The following PPTC7 variants were observed in gnomAD, a reference collection of about 807,000 sequenced individuals.
PPTC7 encodes protein phosphatase targeting COQ7, also known as protein phosphatase PTC7 homolog.
Under a neutral mutation model 30.8 loss-of-function variants are expected in PPTC7, and 6 were observed. The ratio of observed to expected loss-of-function variants is 0.19; its 90% CI spans 0.11 to 0.38. The LOEUF is 0.38. Among genes scored for constraint, PPTC7 ranks in the 10% least tolerant of loss-of-function variants. The pLI is 1.00. For missense variants in PPTC7, 218 were observed against 404.8 expected, an observed-to-expected ratio of 0.54 and a Z score of 3.96; for synonymous variants, 163 against 168.1, an observed-to-expected ratio of 0.97 and a Z score of 0.23.
At chr12:110,554,450 A>T (rs368817138) in intron 1 of PPTC7, among the ~76,000 whole-genome samples, 75 of 152,282 alleles carry the variant, frequency 4.9e-4, no homozygotes, top group African/African-American at 1.7e-3. Flanking sequence ...AAATGCTTGG[A>T]TTACAGGCGT....
Position 110,534,827 on chromosome 12 carries a change from G to A in PPTC7, c.*2210C>T, listed in dbSNP as rs2064207065. ...AGTTGTATAAAACACCACCAATCTA[G>A]CTTTACAAAGATTGTGTTTGACGGG... is the stretch of plus-strand genomic sequence containing the variant. On this transcript the variant is annotated 3_prime_UTR_variant, in exon 6 of 6. Coordinates refer to ENST00000354300, the MANE Select transcript of PPTC7 (RefSeq NM_139283.2). The A allele has an allele frequency of 6.6e-6, 1 of 152,450 alleles. No homozygotes were observed. The highest frequency in any genetic ancestry group is 2.4e-5 in the African/African-American group (1 of 41,386). 9.4% of individuals were successfully genotyped at this position (152,450 alleles called of 1,614,324 possible). A position where few individuals can be genotyped will look rare whatever the true frequency, so the allele number is the denominator to read the frequency against.
At chr12:110,576,865 T>C (rs1367453438) in intron 1 of PPTC7, among the ~76,000 whole-genome samples, 1 of 152,108 alleles carries the variant, frequency 6.6e-6, no homozygotes, top group Non-Finnish European at 1.5e-5. Context: ...TACATATCAG[T>C]TTTTAAAAAT....
chr12:110,558,375 G>T (rs545857566), intron 1 of PPTC7, among the ~76,000 whole-genome samples: 2 of 152,188 alleles, frequency 1.3e-5, no homozygotes, highest in Non-Finnish European at 2.9e-5. Context: ...CTGAATTAAT[G>T]ACTAGAAGGG....
chr12:110,551,643 AG>A (rs1333124883), intron 2 of PPTC7, 145 bp downstream of exon 2: 2 of 727,092 alleles, frequency 2.8e-6, no homozygotes, highest in African/African-American at 3.6e-5. Flanking sequence ...CACTGCGCCC[AG>A]CGGTTAGCCT....
intron 1 of PPTC7, among the ~76,000 whole-genome samples, chr12:110,578,860 C>T (rs190621720): frequency 2.3e-4 from 35 of 152,240 alleles, no homozygotes; most frequent in Non-Finnish European, 4.7e-4. Context: ...AAAGTCATCA[C>T]CTTAGCCAGA....
At position 110,538,124 on chromosome 12, in the gene PPTC7, C is replaced by T. The variant is rs1430970146; in HGVS notation, c.856+20G>A. 6.2e-7 allele frequency: 1 copy of T among 1,612,760 alleles called. No individual in the cohort carries two copies. The highest frequency in any genetic ancestry group is 1.3e-5 in the African/African-American group (1 of 74,916). ...CCATGTCCCCAGTCAGTCCCTATGA[C>T]CTTCCCAAAGAATGCTTACCTCTCA... On this transcript the variant is annotated intron_variant, in intron 5 of 5. Transcript: ENST00000354300.
intron 1 of PPTC7, among the ~76,000 whole-genome samples, chr12:110,565,139 G>A (rs1262830576): frequency 6.6e-6 from 1 of 151,746 alleles, no homozygotes; most frequent in Non-Finnish European, 1.5e-5. Flanking sequence ...GCCTCCCAAA[G>A]TGCTGGGATT....
At chr12:110,574,141 T>TTAAAA (rs532102162) in intron 1 of PPTC7, among the ~76,000 whole-genome samples, 2 of 37,444 alleles carry the variant, frequency 5.3e-5, no homozygotes, top group Non-Finnish European at 9.5e-5. Flanking sequence ...CCACAATAAT[T>TTAAAA]AAAAAAAAAA....
chr12:110,575,607 C>CAAAAA (rs55831249), intron 1 of PPTC7, among the ~76,000 whole-genome samples: 1 of 26,518 alleles, frequency 3.8e-5, no homozygotes, highest in East Asian at 1.6e-3. Flanking sequence ...AACCCCACCT[C>CAAAAA]AAAAAAAAAA....
chr12:110,556,508 T>C (rs2064388292), intron 1 of PPTC7, among the ~76,000 whole-genome samples: 1 of 152,210 alleles, frequency 6.6e-6, no homozygotes, highest in Non-Finnish European at 1.5e-5. Context: ...AGCTTCAGAC[T>C]GCAAAGAGCA....
chr12:110,549,486 G>C (rs974534763), intron 2 of PPTC7, among the ~76,000 whole-genome samples: 2 of 152,040 alleles, frequency 1.3e-5, no homozygotes, highest in African/African-American at 2.4e-5. Flanking sequence ...AAATATGCTT[G>C]AGTTTCATTA....
Position 110,536,834 on chromosome 12 carries a change from T to C in PPTC7, c.*203A>G. On this transcript the variant is annotated 3_prime_UTR_variant, in exon 6 of 6. Coordinates refer to ENST00000354300, the MANE Select transcript of PPTC7 (RefSeq NM_139283.2). ...ATCTTCAAATATTGGATCTCTTCAATTGCTGCCGGCAGATATGAGCTAGTG... is the reference window on the plus strand; with the variant it reads ...ATCTTCAAATATTGGATCTCTTCAACTGCTGCCGGCAGATATGAGCTAGTG... 2.0e-6 allele frequency: 1 copy of C among 507,294 alleles called. No homozygotes were observed. Among genetic ancestry groups the C allele is most frequent in the East Asian group, 3.1e-5 (1 of 32,136 alleles). 31.4% of individuals were successfully genotyped at this position (507,294 alleles called of 1,614,324 possible). A position where few individuals can be genotyped will look rare whatever the true frequency, so the allele number is the denominator to read the frequency against.
intron 3 of PPTC7, among the ~76,000 whole-genome samples, chr12:110,543,224 GAA>G (rs1348513947): frequency 6.6e-6 from 1 of 152,190 alleles, no homozygotes; most frequent in African/African-American, 2.4e-5. Context: ...AATGCACTCA[GAA>G]AATTTCTGGT....
At chr12:110,580,000 C>A (rs1221547143) in intron 1 of PPTC7, among the ~76,000 whole-genome samples, 2 of 150,444 alleles carry the variant, frequency 1.3e-5, no homozygotes, top group Middle Eastern at 3.2e-3. Flanking sequence ...GCAACAAGAG[C>A]GAAACTCCAT....
intron 3 of PPTC7, among the ~76,000 whole-genome samples, chr12:110,541,046 A>G (rs1382228189): frequency 6.7e-6 from 1 of 148,600 alleles, no homozygotes; most frequent in Non-Finnish European, 1.5e-5. Context: ...AAGTGCTGGG[A>G]TAACAGGCGT....
chr12:110,572,233 C>T (rs1265942960), intron 1 of PPTC7, among the ~76,000 whole-genome samples: 1 of 152,156 alleles, frequency 6.6e-6, no homozygotes, highest in Non-Finnish European at 1.5e-5. Context: ...ATCACGAGGT[C>T]AGGAGTTCAA....
At chr12:110,560,325 CAGG>C (rs769655913) in intron 1 of PPTC7, among the ~76,000 whole-genome samples, 2 of 151,586 alleles carry the variant, frequency 1.3e-5, no homozygotes, top group East Asian at 3.9e-4. Flanking sequence ...TGCTTGAGTC[CAGG>C]AGGTCAATGC....
intron 1 of PPTC7, among the ~76,000 whole-genome samples, chr12:110,556,877 C>T (rs2064392480): frequency 6.6e-6 from 1 of 152,148 alleles, no homozygotes; most frequent in African/African-American, 2.4e-5. Flanking sequence ...CTTACGGACA[C>T]CACGAGAATG....
At chr12:110,541,936 A>G (rs539705168) in intron 3 of PPTC7, among the ~76,000 whole-genome samples, 16 of 152,110 alleles carry the variant, frequency 1.1e-4, no homozygotes, top group Non-Finnish European at 2.1e-4. Flanking sequence ...ATTTGAGGTC[A>G]GGAGTTCAAG....
Sources: allele counts gnomAD v4.1 joint callset (sites outside exome capture counted in the v4.1 genomes callset), GRCh38; gene constraint gnomAD v4.1.1; transcripts MANE v1.5; gene names NCBI Gene and HGNC (gene_info 2026-07-23, HGNC 2026-07-21).